SDHA: variants seen among roughly 807,000 people sequenced by gnomAD.
SDHA encodes succinate dehydrogenase [ubiquinone] flavoprotein subunit, mitochondrial.
In SDHA, 48 loss-of-function variants were observed where a neutral mutation model predicts 78.4. The observed-to-expected ratio is 0.61, with a 90% CI of 0.49 to 0.78. The LOEUF is 0.78. SDHA is among the 30% of genes least tolerant of loss of function. The pLI is 0.00. For missense variants in SDHA, 680 were observed against 892.7 expected, an observed-to-expected ratio of 0.76 and a Z score of 3.04; for synonymous variants, 326 against 353.9, an observed-to-expected ratio of 0.92 and a Z score of 0.88.
chr5:265,939 T>C, the SDHA span, among the ~76,000 whole-genome samples: 1 of 150,526 alleles, frequency 6.6e-6, no homozygotes, highest in Non-Finnish European at 1.5e-5. Flanking sequence ...GGGGGAACCC[T>C]ACCCCAGATC....
the SDHA span, among the ~76,000 whole-genome samples, chr5:266,910 C>T: frequency 2.6e-5 from 4 of 151,778 alleles, no homozygotes; most frequent in East Asian, 1.9e-4. Flanking sequence ...GCAGTAGACA[C>T]GGTGGCCGCT....
intron 11 of SDHA, among the ~76,000 whole-genome samples, chr5:243,525 C>T (rs769346789): frequency 3.9e-5 from 6 of 152,014 alleles, no homozygotes; most frequent in Admixed American, 2.6e-4. Flanking sequence ...AGGATGATGC[C>T]GTAGAACAGC....
Position 224,367 on chromosome 5 carries a change from C to T in SDHA, c.158C>T (p.Ala53Val). 10 of 1,613,106 alleles carry T rather than the reference C, an allele frequency of 6.2e-6. No individual in the cohort carries two copies. The highest frequency in any genetic ancestry group is 8.5e-6 in the Non-Finnish European group (10 of 1,179,582). Residue 53 changes from alanine to valine, a missense_variant, in exon 3 of 15, where the codon GCT becomes GTT. Transcript: ENST00000264932. ...TGAATTTTTCTTTTCCAGATTTCTG[C>T]TCAGTATCCAGTAGTGGATCATGAA... ...ASAKVSDSIS[A>V]QYPVVDHEFD... is the part of the protein sequence containing the mutation.
At chr5:245,006 C>T (rs546481494) in intron 11 of SDHA, among the ~76,000 whole-genome samples, 21 of 152,250 alleles carry the variant, frequency 1.4e-4, no homozygotes, top group East Asian at 1.3e-3. Flanking sequence ...TTTTTGATGG[C>T]GGCCATTGTT....
chr5:239,434 T>G (rs1736000984), intron 10 of SDHA, among the ~76,000 whole-genome samples: 1 of 151,982 alleles, frequency 6.6e-6, no homozygotes, highest in Non-Finnish European at 1.5e-5. Context: ...GGCATATTCC[T>G]GTAGTCCCAG....
downstream of SDHA, among the ~76,000 whole-genome samples, chr5:260,844 C>T (rs1192955087): frequency 8.2e-5 from 1 of 12,266 alleles, no homozygotes; most frequent in East Asian, 6.6e-4. Flanking sequence ...CTCCGCCTCC[C>T]GCCAGAGCAT....
chr5:227,230 G>A (rs1049646219), intron 5 of SDHA, among the ~76,000 whole-genome samples: 3 of 152,082 alleles, frequency 2.0e-5, no homozygotes, highest in East Asian at 1.9e-4. Context: ...GGCTGGTCCC[G>A]AACTCCTGAG....
In SDHA at chr5:228,891, A is replaced by C. The variant is rs400174; in HGVS notation, c.770+558A>C. Among the ~76,000 whole-genome samples the C allele has an allele frequency of 5.9e-5, 9 of 152,304 alleles. No individual in the cohort carries two copies. The South Asian group carries it at 1.9e-3, about 32-fold the overall frequency. ...CTTACTATCTAAAATAGCAAAAAAA[A>C]AACCCTACTAAAAACAACCTACTAA... is the stretch of plus-strand genomic sequence containing the variant. On this transcript the variant is annotated intron_variant, in intron 6 of 14. Transcript: ENST00000264932.
chr5:225,712 T>C, intron 4 of SDHA, 150 bp downstream of exon 4: 2 of 1,321,150 alleles, frequency 1.5e-6, no homozygotes, highest in South Asian at 2.4e-5. Context: ...CGTTATGAAC[T>C]ATGCATTATA....
Position 254,641 on chromosome 5 carries a change from G to A in SDHA, c.1908+135G>A, listed in dbSNP as rs367750085. 1.9e-5 allele frequency: 27 copies of A among 1,390,180 alleles called. 1 individual carries two copies. Among genetic ancestry groups the A allele is most frequent in the East Asian group, 1.1e-4 (4 of 37,340 alleles). The allele number at this position is 1,390,180 out of a possible 1,614,324, so 86.1% of individuals were successfully genotyped here. On this transcript the variant is annotated intron_variant, in intron 14 of 14. Coordinates refer to ENST00000264932, the MANE Select transcript of SDHA (RefSeq NM_004168.4). Reference sequence around the variant, plus strand: ...CAACTCCCGACAGATTCGAGGCACCGCTGAAAAAGGCACTCCGACAGCAGT... The same window carrying A: ...CAACTCCCGACAGATTCGAGGCACCACTGAAAAAGGCACTCCGACAGCAGT...
rs138828792 is a variant in SDHA at position 233,499 on chromosome 5, C to T, written c.918C>T (p.Leu306=). Residue 306 remains leucine (L), a synonymous_variant, in exon 8 of 15, where the codon CTC becomes CTT. Coordinates refer to ENST00000264932, the MANE Select transcript of SDHA (RefSeq NM_004168.4). ...HPTGIYGAGC[L]ITEGCRGEGG... ...CAGGCATATATGGTGCTGGTTGTCT[C>T]ATTACGGAAGGATGTCGTGGAGAGG... 1.9e-6 allele frequency: 3 copies of T among 1,614,174 alleles called. No individual in the cohort carries two copies. The highest frequency in any genetic ancestry group is 2.5e-6 in the Non-Finnish European group (3 of 1,180,026).
chr5:267,917 C>T, the SDHA span, among the ~76,000 whole-genome samples: 3 of 152,154 alleles, frequency 2.0e-5, no homozygotes, highest in Non-Finnish European at 4.4e-5. Flanking sequence ...AGCTTTGTCC[C>T]CTGGTGACGG....
chr5:225,903 G>A lies in SDHA; in HGVS notation c.477G>A (p.Pro159=), dbSNP rs771741537. ...AVVELENYGM[P]FSRTEDGKIY... Reference sequence around the variant, plus strand: ...CACAGCTAGAAAATTATGGCATGCCGTTTAGCAGAACTGAAGATGGGAAGA... The same window carrying A: ...CACAGCTAGAAAATTATGGCATGCCATTTAGCAGAACTGAAGATGGGAAGA... The change falls in exon 5 of 15, where the codon CCG becomes CCA. Residue 159 remains proline (P), a synonymous_variant. Transcript: ENST00000264932. 13 of 1,613,168 alleles carry A rather than the reference G, an allele frequency of 8.1e-6. No homozygotes were observed. The highest frequency in any genetic ancestry group is 2.7e-5 in the African/African-American group (2 of 75,008).
chr5:258,598 G>A (rs1737362794), downstream of SDHA, among the ~76,000 whole-genome samples: 5 of 129,368 alleles, frequency 3.9e-5, no homozygotes, highest in Admixed American at 3.8e-4. Flanking sequence ...TACCGTGTGA[G>A]CTCCGCCTCC....
At chr5:268,336 C>T in the SDHA span, among the ~76,000 whole-genome samples, 2 of 152,142 alleles carry the variant, frequency 1.3e-5, no homozygotes, top group Admixed American at 1.3e-4. Context: ...GCACCTGCCA[C>T]CACGTCTGGC....
intron 8 of SDHA, chr5:234,284 T>A (rs1735613761): frequency 6.4e-6 from 1 of 156,876 alleles, no homozygotes; most frequent in African/African-American, 2.4e-5. Flanking sequence ...CCGGGCGTGA[T>A]GGCAGGTGCC....
chr5:224,177 C>T (rs1249757591), intron 2 of SDHA, among the ~76,000 whole-genome samples, 183 bp from the exon 3 acceptor site: 1 of 152,208 alleles, frequency 6.6e-6, no homozygotes, highest in African/African-American at 2.4e-5. Flanking sequence ...TCAGTCCCTT[C>T]TCCAGGTGCG....
At chr5:262,261 CATTACCGTGTGAGCTCCGCCTCCCGA>C in the SDHA span, among the ~76,000 whole-genome samples, 16 of 128,818 alleles carry the variant, frequency 1.2e-4, no homozygotes, top group African/African-American at 1.7e-4. Context: ...CCCGTCACAG[CATTACCGTGTGAGCTCCGCCTCCCGA>C]CAGAGCATTA....
Position 256,823 on chromosome 5 carries a change from C to CTTTTTTTTTTTTTTTTTT in SDHA, c.*407_*408insTTTTTTTTTTTTTTTTTT, listed in dbSNP as rs758468864. 1 of 218,894 alleles carries CTTTTTTTTTTTTTTTTTT rather than the reference C, an allele frequency of 4.6e-6. No homozygotes were observed. The highest frequency in any genetic ancestry group is 2.7e-5 in the African/African-American group (1 of 37,482). 13.6% of individuals were successfully genotyped at this position (218,894 alleles called of 1,614,324 possible). On this transcript the variant is annotated 3_prime_UTR_variant, in exon 15 of 15. Coordinates refer to ENST00000264932, the MANE Select transcript of SDHA (RefSeq NM_004168.4). The stretch of plus-strand genomic sequence containing the variant: ...TTTGTATAGTTTCTTTTTTCTTTTT[C>CTTTTTTTTTTTTTTTTTT]TTTTCTTTTTTTTTTTTGAGACAGG...
Sources: allele counts gnomAD v4.1 joint callset (sites outside exome capture counted in the v4.1 genomes callset), GRCh38; gene constraint gnomAD v4.1.1; transcripts MANE v1.5; gene names NCBI Gene and HGNC (gene_info 2026-07-23, HGNC 2026-07-21).